FAM53B: variants seen among roughly 807,000 people sequenced by gnomAD.
FAM53B encodes the protein family with sequence similarity 53 member B.
A neutral mutation model predicts 32.7 loss-of-function variants in FAM53B; 12 were observed. That is an observed-to-expected ratio of 0.37 (90% CI 0.24 to 0.59). The LOEUF (loss-of-function observed/expected upper bound fraction) is 0.59, where lower values mean the gene tolerates loss of function less well. Ranked by LOEUF, FAM53B falls within the 20% of genes least tolerant of loss-of-function variation. FAM53B has a pLI of 0.72. For synonymous variants in FAM53B, 234 were observed against 228.7 expected, an observed-to-expected ratio of 1.02 and a Z score of -0.21; for missense variants, 477 against 577.7, an observed-to-expected ratio of 0.83 and a Z score of 1.79.
rs1287223879 is a variant in FAM53B at position 124,682,624 on chromosome 10, G to A, written c.134-245C>T. Among the ~76,000 whole-genome samples, 1 of 152,180 alleles carries A rather than the reference G, an allele frequency of 6.6e-6. No homozygotes were observed. The highest frequency in any genetic ancestry group is 2.4e-5 in the African/African-American group (1 of 41,440). ...GCCTAGAATCCAGATATACCCCTGG[G>A]ACTCCTGATATGGTTTTCTTTCCAG... On this transcript the variant is annotated intron_variant, in intron 3 of 4. Transcript: ENST00000337318. The surrounding 1 kb of genome is among the most constrained non-coding windows in gnomAD (Gnocchi z 5.2).
intron 1 of FAM53B, among the ~76,000 whole-genome samples, chr10:124,709,766 A>T (rs1949987754): frequency 6.6e-6 from 1 of 152,136 alleles, no homozygotes; most frequent in Non-Finnish European, 1.5e-5. Context: ...ATCTCCAAGA[A>T]ATCCTATAAA....
intron 1 of FAM53B, among the ~76,000 whole-genome samples, chr10:124,717,675 A>C (rs527730954): frequency 2.4e-4 from 36 of 152,224 alleles, no homozygotes; most frequent in African/African-American, 7.9e-4. Context: ...CCATGGGGTG[A>C]GGATGGGGAT....
intron 4 of FAM53B, among the ~76,000 whole-genome samples, chr10:124,633,596 C>T (rs1319880830): frequency 1.3e-5 from 2 of 152,152 alleles, no homozygotes; most frequent in Non-Finnish European, 2.9e-5. Flanking sequence ...TTAGTATGAA[C>T]GTACATGCAT....
At chr10:124,695,474 C>G (rs1949862630) in intron 3 of FAM53B, among the ~76,000 whole-genome samples, 1 of 152,218 alleles carries the variant, frequency 6.6e-6, no homozygotes, top group Non-Finnish European at 1.5e-5. Context: ...TGTCCCTGCC[C>G]TCCAGCCTGT....
chr10:124,644,292 C>G (rs1208517149), intron 4 of FAM53B, among the ~76,000 whole-genome samples: 3 of 152,224 alleles, frequency 2.0e-5, no homozygotes, highest in African/African-American at 7.2e-5. Context: ...AGCCCTTACC[C>G]AGTGACAGCT....
intron 4 of FAM53B, among the ~76,000 whole-genome samples, chr10:124,638,632 G>A (rs950969244): frequency 6.6e-6 from 1 of 152,166 alleles, no homozygotes; most frequent in African/African-American, 2.4e-5. Flanking sequence ...GCACAAGGAG[G>A]ACCACTGACC....
At chr10:124,665,049 G>A (rs1286288424) in intron 4 of FAM53B, among the ~76,000 whole-genome samples, 1 of 152,202 alleles carries the variant, frequency 6.6e-6, no homozygotes, top group Non-Finnish European at 1.5e-5. Context: ...ACAGAGGCCA[G>A]CCCCAGCCAG....
At chr10:124,706,075 G>A (rs765352460) in intron 2 of FAM53B, among the ~76,000 whole-genome samples, 28 of 152,230 alleles carry the variant, frequency 1.8e-4, no homozygotes, top group Non-Finnish European at 3.4e-4. Context: ...ACTGGAGGTT[G>A]TTTTGCTCGT....
intron 2 of FAM53B, among the ~76,000 whole-genome samples, chr10:124,699,036 C>G (rs1193498336): frequency 6.6e-6 from 1 of 152,266 alleles, no homozygotes; most frequent in African/African-American, 2.4e-5. Flanking sequence ...AGGCTTTGCA[C>G]TGTTCCTGCC....
chr10:124,729,500 T>G (rs192452019), intron 1 of FAM53B, among the ~76,000 whole-genome samples: 3 of 152,352 alleles, frequency 2.0e-5, no homozygotes, highest in Admixed American at 6.5e-5. Context: ...CTTACTTATC[T>G]GGTTTTCTTC....
chr10:124,676,532 T>G (rs547194407), intron 4 of FAM53B, among the ~76,000 whole-genome samples: 1 of 152,282 alleles, frequency 6.6e-6, no homozygotes, highest in African/African-American at 2.4e-5. Context: ...CAAGAAGTCA[T>G]GTAGCCAACC....
chr10:124,660,337 C>G (rs575872112), intron 4 of FAM53B, among the ~76,000 whole-genome samples: 4 of 152,228 alleles, frequency 2.6e-5, no homozygotes, highest in Admixed American at 1.3e-4. Context: ...GAAAAGACAT[C>G]TCACTGGGAC....
chr10:124,655,156 T>A (rs1360053094), intron 4 of FAM53B, among the ~76,000 whole-genome samples: 2 of 152,260 alleles, frequency 1.3e-5, no homozygotes, highest in East Asian at 3.9e-4. Context: ...TTGGACACTC[T>A]TGGCTGGAGA....
chr10:124,643,504 G>C (rs991249751), intron 4 of FAM53B, among the ~76,000 whole-genome samples: 1 of 152,220 alleles, frequency 6.6e-6, no homozygotes, highest in Non-Finnish European at 1.5e-5. Context: ...TCCATCACTC[G>C]TCGCCCGGGC....
intron 1 of FAM53B, among the ~76,000 whole-genome samples, chr10:124,739,661 G>A (rs1307947334): frequency 1.3e-5 from 2 of 152,100 alleles, no homozygotes; most frequent in Non-Finnish European, 2.9e-5. Context: ...AGGCAATGTG[G>A]TCTCCATGAT....
intron 4 of FAM53B, among the ~76,000 whole-genome samples, chr10:124,657,969 C>T (rs562354560): frequency 1.1e-4 from 16 of 152,292 alleles, no homozygotes; most frequent in South Asian, 1.0e-3. Context: ...TGCTTTTCTA[C>T]GCGGCCACTG....
intron 4 of FAM53B, among the ~76,000 whole-genome samples, chr10:124,674,909 A>G (rs1949728011): frequency 2.0e-5 from 3 of 152,136 alleles, no homozygotes; most frequent in Non-Finnish European, 4.4e-5. Context: ...CTCTCATCTG[A>G]GCGGCTGGCT....
intron 2 of FAM53B, among the ~76,000 whole-genome samples, chr10:124,699,132 A>G (rs1421918480): frequency 6.6e-6 from 1 of 152,176 alleles, no homozygotes; most frequent in Non-Finnish European, 1.5e-5. Flanking sequence ...CGCCTCATTT[A>G]ATGAACATGG....
intron 4 of FAM53B, among the ~76,000 whole-genome samples, chr10:124,624,296 G>A (rs1043235202): frequency 6.6e-6 from 1 of 152,230 alleles, no homozygotes. Flanking sequence ...AGCCTGGTGT[G>A]TAACAGAGCC....
Sources: allele counts gnomAD v4.1 joint callset (sites outside exome capture counted in the v4.1 genomes callset), GRCh38; gene constraint gnomAD v4.1.1; non-coding constraint Gnocchi (gnomAD v3.1); transcripts MANE v1.5; gene names NCBI Gene and HGNC (gene_info 2026-07-23, HGNC 2026-07-21).